IGF1R: variants seen among roughly 807,000 people sequenced by gnomAD.
IGF1R encodes the protein insulin-like growth factor 1 receptor.
IGF1R carries 44 observed loss-of-function variants against 144.6 expected under a neutral mutation model. The observed-to-expected ratio is 0.30, with a 90% CI of 0.24 to 0.39. IGF1R has a LOEUF of 0.39. Ranked by LOEUF, IGF1R falls within the 10% of genes least tolerant of loss-of-function variation. The pLI, the probability that IGF1R is intolerant of heterozygous loss-of-function variation, is 1.00. For synonymous variants in IGF1R, 795 were observed against 722.8 expected (o/e 1.10, Z -1.60); for missense variants, 1,355 against 1,833.7 (o/e 0.74, Z 4.77).
rs398058004 is a variant in IGF1R at position 98,959,970 on chromosome 15, G to GGT, written c.*2541_*2542dup. ...TTATGAATTTAAATTTCAAGGAAAGGGTGTGTGTGTGTGTATGTGTGGGGT... is the reference window on the plus strand; with the variant it reads ...TTATGAATTTAAATTTCAAGGAAAGGGTGTGTGTGTGTGTGTATGTGTGGGGT... On this transcript the variant is annotated 3_prime_UTR_variant, in exon 21 of 21. Transcript: ENST00000650285. The GGT allele has an allele frequency of 3.0e-4, 70 of 232,116 alleles. No individual in the cohort carries two copies. The highest frequency in any genetic ancestry group is 1.5e-3 in the African/African-American group (66 of 45,222). 14.4% of individuals were successfully genotyped at this position (232,116 alleles called of 1,614,324 possible).
At chr15:98,903,115 C>T (rs2151662382) in intron 5 of IGF1R, among the ~76,000 whole-genome samples, 1 of 152,262 alleles carries the variant, frequency 6.6e-6, no homozygotes, top group South Asian at 2.1e-4. Flanking sequence ...CTGCTGTTTA[C>T]AAAGGAAACA....
rs74896431 is a variant in IGF1R at position 98,726,539 on chromosome 15, C to T, written c.640+18432C>T. The stretch of plus-strand genomic sequence containing the variant: ...TCCCTTCCTACCACCTTTATATGAG[C>T]GGAGAACATCTATGACTCTTATGAG... On this transcript the variant is annotated intron_variant, in intron 2 of 20. Coordinates refer to ENST00000650285, the MANE Select transcript of IGF1R (RefSeq NM_000875.5). Among the ~76,000 whole-genome samples, 780 of 152,028 alleles carry T rather than the reference C, an allele frequency of 5.1e-3. 9 individuals are homozygous for T. Among genetic ancestry groups the T allele is most frequent in the African/African-American group, 0.018 (726 of 41,448 alleles).
chr15:98,700,039 C>T (rs1281511395), intron 1 of IGF1R, among the ~76,000 whole-genome samples: 12 of 152,276 alleles, frequency 7.9e-5, no homozygotes, highest in East Asian at 5.8e-4. Flanking sequence ...TGAATTGTGT[C>T]GGTTTACACT....
chr15:98,748,257 C>G (rs540656212), intron 2 of IGF1R, among the ~76,000 whole-genome samples: 6 of 152,320 alleles, frequency 3.9e-5, no homozygotes, highest in Admixed American at 6.5e-5. Flanking sequence ...ACCTCAAACA[C>G]CTGGGTTCAA....
intron 2 of IGF1R, among the ~76,000 whole-genome samples, chr15:98,749,005 T>C (rs2141329631): frequency 6.6e-6 from 1 of 152,268 alleles, no homozygotes; most frequent in Admixed American, 6.5e-5. Context: ...AATTATCTCT[T>C]TTCTTTCCAT....
intron 1 of IGF1R, among the ~76,000 whole-genome samples, chr15:98,675,165 T>A (rs1483924200): frequency 1.3e-5 from 2 of 151,980 alleles, no homozygotes; most frequent in Non-Finnish European, 2.9e-5. Context: ...ATTTTTGTAT[T>A]TTTAGTAGAA....
At chr15:98,734,122 G>A (rs938716752) in intron 2 of IGF1R, among the ~76,000 whole-genome samples, 1 of 152,154 alleles carries the variant, frequency 6.6e-6, no homozygotes, top group Non-Finnish European at 1.5e-5. Flanking sequence ...ATTTTCATTT[G>A]AAATTGTTGT....
At chr15:98,651,806 A>G (rs964733497) in intron 1 of IGF1R, among the ~76,000 whole-genome samples, 1 of 152,226 alleles carries the variant, frequency 6.6e-6, no homozygotes, top group Non-Finnish European at 1.5e-5. Context: ...ATGGGTGGTC[A>G]GAAGGCACCC....
Position 98,943,036 on chromosome 15 carries a change from A to C in IGF1R, c.3571A>C (p.Thr1191Pro). 1 of 1,614,190 alleles carries C rather than the reference A, an allele frequency of 6.2e-7. No individual in the cohort carries two copies. The highest frequency in any genetic ancestry group is 8.5e-7 in the Non-Finnish European group (1 of 1,180,028). The part of the protein sequence containing the change: ...PESLKDGVFT[T>P]YSDVWSFGVV... ...GTCCCTCAAGGATGGAGTCTTCACC[A>C]CTTACTCGGACGTCTGGTATGAGAA... is the stretch of plus-strand genomic sequence containing the variant. The change falls in exon 19 of 21, where the codon ACT becomes CCT. Residue 1191 changes from threonine to proline, a missense_variant. Physicochemically the swap from Thr to Pro is conservative, Grantham distance 38. Transcript: ENST00000650285.
Position 98,960,882 on chromosome 15 carries a change from G to A in IGF1R, c.*3440G>A, listed in dbSNP as rs146062117. ...CTTCCGGCTGGAAAGCCCAGTGGCC[G>A]GCGCCGAGGCTCGTGGCGTCACGCC... On this transcript the variant is annotated 3_prime_UTR_variant, in exon 21 of 21. Coordinates refer to ENST00000650285, the MANE Select transcript of IGF1R (RefSeq NM_000875.5). 1.2e-3 allele frequency: 289 copies of A among 233,876 alleles called. 3 individuals carry two copies. The highest frequency in any genetic ancestry group is 0.012 in the East Asian group (202 of 16,572). 14.5% of individuals were successfully genotyped at this position (233,876 alleles called of 1,614,324 possible). A position where few individuals can be genotyped will look rare whatever the true frequency, so the allele number is the denominator to read the frequency against.
chr15:98,918,609 G>A (rs373825218), intron 10 of IGF1R, among the ~76,000 whole-genome samples: 9 of 152,090 alleles, frequency 5.9e-5, no homozygotes, highest in South Asian at 2.1e-4. Flanking sequence ...AGCCAGGCGC[G>A]GTGGCTCACG....
intron 1 of IGF1R, among the ~76,000 whole-genome samples, chr15:98,700,979 A>C (rs1480620166): frequency 6.6e-6 from 1 of 152,074 alleles, no homozygotes; most frequent in African/African-American, 2.4e-5. Context: ...TTCGTTGTGC[A>C]AAATTCAGTG....
chr15:98,766,659 C>T (rs2055444237), intron 2 of IGF1R, among the ~76,000 whole-genome samples: 1 of 152,046 alleles, frequency 6.6e-6, no homozygotes, highest in South Asian at 2.1e-4. Context: ...CCTTTTTAGT[C>T]CTTTTGTAAA....
chr15:98,780,101 TTA>T (rs1491108162), intron 2 of IGF1R, among the ~76,000 whole-genome samples: 7 of 151,608 alleles, frequency 4.6e-5, no homozygotes, highest in African/African-American at 1.7e-4. Flanking sequence ...TTTTTTTTTT[TTA>T]AATTTATGTA....
intron 13 of IGF1R, among the ~76,000 whole-genome samples, chr15:98,926,459 TCAC>T (rs1025012330): frequency 6.6e-5 from 10 of 152,334 alleles, no homozygotes; most frequent in Admixed American, 3.3e-4. Context: ...TTAAGTGTTC[TCAC>T]CACACACAAA....
chr15:98,822,377 A>T (rs1260005546), intron 2 of IGF1R, among the ~76,000 whole-genome samples: 1 of 152,170 alleles, frequency 6.6e-6, no homozygotes, highest in Non-Finnish European at 1.5e-5. Flanking sequence ...TAGGCTTGAG[A>T]TGGCTTTGTG....
At chr15:98,925,741 T>TA (rs2015689453) in intron 13 of IGF1R, among the ~76,000 whole-genome samples, 1 of 152,162 alleles carries the variant, frequency 6.6e-6, no homozygotes, top group African/African-American at 2.4e-5. Context: ...CCGTCTCTAC[T>TA]AAAAATAAAA....
chr15:98,739,083 A>G (rs919984644), intron 2 of IGF1R, among the ~76,000 whole-genome samples: 18 of 152,196 alleles, frequency 1.2e-4, no homozygotes, highest in Admixed American at 3.3e-4. Flanking sequence ...GTGAGTGTGG[A>G]AACAGTGTGT....
At chr15:98,800,799 C>T (rs187387003) in intron 2 of IGF1R, among the ~76,000 whole-genome samples, 1 of 152,230 alleles carries the variant, frequency 6.6e-6, no homozygotes, top group East Asian at 1.9e-4. Context: ...GCTGCTGGGG[C>T]GAAGCAGGCT....
Sources: gnomAD v4.1 joint callset for allele counts (sites outside exome capture counted in the v4.1 genomes callset) on GRCh38, gnomAD v4.1.1 for gene constraint, MANE v1.5 for transcripts, NCBI Gene and HGNC (gene_info 2026-07-23, HGNC 2026-07-21) for gene names.